ATG10: variants seen among roughly 807,000 people sequenced by gnomAD.
ATG10 encodes the protein autophagy related 10.
Under a neutral mutation model 32.1 loss-of-function variants are expected in ATG10, and 30 were observed. That is an observed-to-expected ratio of 0.94 (90% CI 0.70 to 1.27). The LOEUF is 1.27. Ranked by LOEUF, ATG10 falls within the 50% of genes most tolerant of loss-of-function variation. The probability of loss-of-function intolerance (pLI) is 0.00; values close to 1 mark genes in which losing one functional copy is unlikely to be tolerated. For synonymous variants in ATG10, 87 were observed against 91.5 expected, an observed-to-expected ratio of 0.95 and a Z score of 0.28; for missense variants, 233 against 262.3, an observed-to-expected ratio of 0.89 and a Z score of 0.77.
intron 2 of ATG10, among the ~76,000 whole-genome samples, chr5:82,006,209 A>G (rs1461906100): frequency 1.3e-5 from 2 of 152,166 alleles, no homozygotes; most frequent in African/African-American, 4.8e-5. Context: ...AAAAATCTCC[A>G]TATTTTACTG....
At chr5:82,178,862 A>G (rs1335023185) in intron 5 of ATG10, among the ~76,000 whole-genome samples, 3 of 152,126 alleles carry the variant, frequency 2.0e-5, no homozygotes, top group Non-Finnish European at 4.4e-5. Context: ...AAAAAAATTG[A>G]TGTCTGTCTT....
intron 3 of ATG10, among the ~76,000 whole-genome samples, chr5:82,145,480 ATCTTAT>A (rs1342071774): frequency 1.3e-5 from 2 of 152,036 alleles, no homozygotes; most frequent in African/African-American, 4.8e-5. Context: ...CTCAGAGTTA[ATCTTAT>A]ATACTTTATA....
At chr5:82,251,359 C>G (rs532751984) in intron 5 of ATG10, among the ~76,000 whole-genome samples, 2 of 152,176 alleles carry the variant, frequency 1.3e-5, no homozygotes, top group Non-Finnish European at 2.9e-5. Flanking sequence ...CTAGGCATCC[C>G]CTAGTCTAAA....
chr5:82,002,450 C>T (rs1242065235), intron 2 of ATG10, among the ~76,000 whole-genome samples: 1 of 152,080 alleles, frequency 6.6e-6, no homozygotes. Context: ...CTATGGAATA[C>T]TTATGTAGCC....
chr5:82,086,072 T>A (rs1764679529), intron 3 of ATG10, among the ~76,000 whole-genome samples: 2 of 152,160 alleles, frequency 1.3e-5, no homozygotes. Flanking sequence ...GGGTCAATGA[T>A]AGATTCAGTA....
At chr5:82,175,127 T>A (rs1177023100) in intron 4 of ATG10, among the ~76,000 whole-genome samples, 3 of 152,184 alleles carry the variant, frequency 2.0e-5, no homozygotes. Context: ...AGTCTACTTT[T>A]CAAACAAAGC....
intron 2 of ATG10, among the ~76,000 whole-genome samples, chr5:82,023,759 G>A (rs1211384648): frequency 1.3e-5 from 2 of 152,158 alleles, no homozygotes; most frequent in Non-Finnish European, 2.9e-5. Flanking sequence ...TGCACCCGCT[G>A]TTTATTCTTT....
intron 3 of ATG10, among the ~76,000 whole-genome samples, chr5:82,100,219 C>T (rs776824938): frequency 1.6e-4 from 24 of 151,946 alleles, no homozygotes; most frequent in Non-Finnish European, 2.9e-4. Context: ...GTTGGCCAGG[C>T]TGGTCTCGAA....
chr5:82,027,820 CT>C (rs35519520), intron 2 of ATG10, among the ~76,000 whole-genome samples: 1 of 151,428 alleles, frequency 6.6e-6, no homozygotes, highest in Non-Finnish European at 1.5e-5. Flanking sequence ...CTCAGTAGCT[CT>C]TTTTTTTTCC....
Position 82,109,812 on chromosome 5 carries a change from T to A in ATG10, c.216+51210T>A, listed in dbSNP as rs565580150. Among the ~76,000 whole-genome samples the A allele has an allele frequency of 1.3e-4, 20 of 151,034 alleles. No homozygotes were observed. The South Asian group carries it at 2.7e-3, about 20-fold the overall frequency. ...TTTATTTTTTAATATATATATATAT[T>A]TTTATTATACTTTTAAGTTCTAGGG... On this transcript the variant is annotated intron_variant, in intron 3 of 7. Coordinates refer to ENST00000282185, the MANE Select transcript of ATG10 (RefSeq NM_031482.5).
At chr5:82,068,109 A>AATTTGGGAT (rs1763998852) in intron 3 of ATG10, among the ~76,000 whole-genome samples, 1 of 152,076 alleles carries the variant, frequency 6.6e-6, no homozygotes, top group Non-Finnish European at 1.5e-5. Flanking sequence ...TCTTTTAATG[A>AATTTGGGAT]ATTTGGGATG....
rs370861558 is a variant in ATG10 at position 82,025,915 on chromosome 5, A to G, written c.109-32580A>G. ...TAATTTTATTTTTTAAGATTATGGTAAAATATATATAACTTAAAACTCACC... is the reference window on the plus strand; with the variant it reads ...TAATTTTATTTTTTAAGATTATGGTGAAATATATATAACTTAAAACTCACC... On this transcript the variant is annotated intron_variant, in intron 2 of 7. Transcript: ENST00000282185. Among the ~76,000 whole-genome samples the G allele has an allele frequency of 1.6e-4, 25 of 152,328 alleles. No individual in the cohort carries two copies. The East Asian group carries it at 4.0e-3, about 25-fold the overall frequency.
chr5:82,033,206 A>G (rs2149717670), intron 2 of ATG10, among the ~76,000 whole-genome samples: 1 of 152,356 alleles, frequency 6.6e-6, no homozygotes, highest in Admixed American at 6.5e-5. Context: ...ATAAATATCA[A>G]TGCAATACAA....
intron 5 of ATG10, among the ~76,000 whole-genome samples, chr5:82,228,324 A>G (rs1471855039): frequency 6.6e-6 from 1 of 152,198 alleles, no homozygotes; most frequent in African/African-American, 2.4e-5. Context: ...CAAATTTTAT[A>G]ATATATTTAT....
At chr5:82,172,331 C>T (rs911788114) in intron 4 of ATG10, among the ~76,000 whole-genome samples, 1 of 152,134 alleles carries the variant, frequency 6.6e-6, no homozygotes, top group Non-Finnish European at 1.5e-5. Flanking sequence ...TGATTCCTAG[C>T]TCTGCTGCTT....
At chr5:82,010,134 A>G in intron 2 of ATG10, 1 of 1,486,660 alleles carries the variant, frequency 6.7e-7, no homozygotes, top group Admixed American at 1.7e-5. Flanking sequence ...GTCATCTGCA[A>G]AGCCGCTTTC....
intron 3 of ATG10, among the ~76,000 whole-genome samples, chr5:82,135,004 A>G (rs561973923): frequency 1.0e-4 from 15 of 149,680 alleles, no homozygotes; most frequent in Admixed American, 9.9e-4. Context: ...TTTCTAGTTT[A>G]TTTGCATAGA....
chr5:82,122,008 T>C (rs948317307), intron 3 of ATG10, among the ~76,000 whole-genome samples: 4 of 150,824 alleles, frequency 2.7e-5, no homozygotes, highest in Admixed American at 6.6e-5. Context: ...CCTTGTAGAA[T>C]GAGTTGGGAG....
At chr5:82,077,782 G>A (rs979249419) in intron 3 of ATG10, among the ~76,000 whole-genome samples, 1 of 152,186 alleles carries the variant, frequency 6.6e-6, no homozygotes, top group Non-Finnish European at 1.5e-5. Context: ...TGATTTGATT[G>A]ATGCTTTAGA....
Sources: allele counts gnomAD v4.1 joint callset (sites outside exome capture counted in the v4.1 genomes callset), GRCh38; gene constraint gnomAD v4.1.1; transcripts MANE v1.5; gene names NCBI Gene and HGNC (gene_info 2026-07-23, HGNC 2026-07-21).